Variants in CYB5RL observed in about 807,000 individuals in gnomAD.
CYB5RL encodes the protein NADH-cytochrome b5 reductase-like.
CYB5RL carries 38 observed loss-of-function variants against 37.5 expected under a neutral mutation model. The ratio of observed to expected loss-of-function variants is 1.01; its 90% CI spans 0.78 to 1.33. The LOEUF is 1.33. Ranked by LOEUF, CYB5RL falls within the 40% of genes most tolerant of loss-of-function variation. The probability of loss-of-function intolerance (pLI) is 0.00; values close to 1 mark genes in which losing one functional copy is unlikely to be tolerated. For missense variants in CYB5RL, 388 were observed against 394.4 expected, an observed-to-expected ratio of 0.98 and a Z score of 0.14; for synonymous variants, 141 against 151.9, an observed-to-expected ratio of 0.93 and a Z score of 0.53.
intron 6 of CYB5RL, among the ~76,000 whole-genome samples, chr1:54,183,570 G>A (rs902752395): frequency 4.6e-5 from 7 of 152,316 alleles, no homozygotes; most frequent in African/African-American, 1.2e-4. Context: ...TTGGAAAGGC[G>A]CCTGAGGGTC....
At chr1:54,187,774 C>T in intron 4 of CYB5RL, 35 bp from the exon 5 acceptor site, 1 of 1,592,186 alleles carries the variant, frequency 6.3e-7, no homozygotes, top group Non-Finnish European at 8.6e-7. Flanking sequence ...GTCAGCCAGT[C>T]ATTCAGCAAA....
chr1:54,184,796 T>C (rs1179378015), intron 5 of CYB5RL: 1 of 152,482 alleles, frequency 6.6e-6, no homozygotes, highest in African/African-American at 2.4e-5. Context: ...TTTTGAAATG[T>C]CTGCAATTAA....
At chr1:54,189,370 G>A (rs1479287963) in intron 4 of CYB5RL, among the ~76,000 whole-genome samples, 2 of 152,074 alleles carry the variant, frequency 1.3e-5, no homozygotes, top group Non-Finnish European at 2.9e-5. Flanking sequence ...GGTGGGTGCT[G>A]CAGGATAGGC....
chr1:54,176,292 G>C (rs1421681248), intron 7 of CYB5RL, among the ~76,000 whole-genome samples: 1 of 152,254 alleles, frequency 6.6e-6, no homozygotes, highest in Non-Finnish European at 1.5e-5. Flanking sequence ...CAGCACTTTG[G>C]GAGGCTGAGG....
chr1:54,179,578 GAACAT>G (rs1660107083), intron 6 of CYB5RL, among the ~76,000 whole-genome samples: 1 of 152,162 alleles, frequency 6.6e-6, no homozygotes, highest in Admixed American at 6.5e-5. Flanking sequence ...GACTGAAAGG[GAACAT>G]AACAGTATAG....
At chr1:54,190,642 G>T in intron 4 of CYB5RL, 106 bp downstream of exon 4, 2 of 1,414,818 alleles carry the variant, frequency 1.4e-6, no homozygotes, top group South Asian at 1.2e-5. Context: ...TCTTGAAGAT[G>T]ACAAATGGAG....
intron 4 of CYB5RL, 68 bp downstream of exon 4, chr1:54,190,679 CA>C: frequency 6.5e-7 from 1 of 1,545,206 alleles, no homozygotes; most frequent in Non-Finnish European, 8.7e-7. Context: ...GCTAGTTGGT[CA>C]AGGCCAGCAG....
rs1046370343 is a variant in CYB5RL, at chr1:54,195,715, C to G, written c.-99G>C. ...GGCGCAGGCCCTGCTCCTTGGCCAG[C>G]CTGGGAGAGGGAAAACATGGGGGTT... is the stretch of plus-strand genomic sequence containing the variant. On this transcript the variant is annotated splice_region_variant and 5_prime_UTR_variant, in exon 3 of 8. An upstream start codon of the reference 5' UTR is lost. Coordinates refer to ENST00000534324, the MANE Select transcript of CYB5RL (RefSeq NM_001031672.4). The G allele has an allele frequency of 2.9e-6, 4 of 1,367,542 alleles. No individual in the cohort carries two copies. The highest frequency in any genetic ancestry group is 3.9e-6 in the Non-Finnish European group (4 of 1,013,488). The allele number at this position is 1,367,542 out of a possible 1,614,324, so 84.7% of individuals were successfully genotyped here.
intron 5 of CYB5RL, chr1:54,186,131 T>C (rs1057348883): frequency 6.5e-6 from 1 of 152,686 alleles, no homozygotes; most frequent in African/African-American, 2.4e-5. Flanking sequence ...GAAAACGGAC[T>C]AATACATACC....
Position 54,171,747 on chromosome 1 carries a change from T to C in CYB5RL, c.*2872A>G, listed in dbSNP as rs1376226679. 2 of 318,594 alleles carry C rather than the reference T, an allele frequency of 6.3e-6. No homozygotes were observed. The highest frequency in any genetic ancestry group is 1.2e-5 in the Non-Finnish European group (2 of 160,818). 19.7% of individuals were successfully genotyped at this position (318,594 alleles called of 1,614,324 possible). A position where few individuals can be genotyped will look rare whatever the true frequency, so the allele number is the denominator to read the frequency against. ...CGCCTCCCACAACACGCAGTGGGCA[T>C]CATCAGAGGAACAGCAGCTGATGGG... On this transcript the variant is annotated 3_prime_UTR_variant, in exon 8 of 8. Transcript: ENST00000534324.
In CYB5RL at chr1:54,174,628, G is replaced by A. The variant is rs377135102; in HGVS notation, c.939C>T (p.Phe313=). ...LCAGLTEDSY[F]LF Reference sequence around the variant, plus strand: ...GGAAGAGAGGCCAGGGCTAGAAGAGGAAATAGGAGTCCTCAGTGAGGCCTG... The same window carrying A: ...GGAAGAGAGGCCAGGGCTAGAAGAGAAAATAGGAGTCCTCAGTGAGGCCTG... The change falls in exon 8 of 8, where the codon TTC becomes TTT. Residue 313 remains phenylalanine, a synonymous_variant. Coordinates refer to ENST00000534324, the MANE Select transcript of CYB5RL (RefSeq NM_001031672.4). 3 of 1,608,698 alleles carry A rather than the reference G, an allele frequency of 1.9e-6. No individual in the cohort carries two copies. The highest frequency in any genetic ancestry group is 1.7e-6 in the Non-Finnish European group (2 of 1,177,774).
At chr1:54,175,038 G>A (rs1239247031) in intron 7 of CYB5RL, among the ~76,000 whole-genome samples, 1 of 152,038 alleles carries the variant, frequency 6.6e-6, no homozygotes, top group East Asian at 1.9e-4. Flanking sequence ...GCACAGGGAA[G>A]AGGGACTTCC....
intron 3 of CYB5RL, among the ~76,000 whole-genome samples, chr1:54,193,606 G>A (rs778795396): frequency 3.9e-5 from 6 of 152,114 alleles, no homozygotes; most frequent in Non-Finnish European, 8.8e-5. Flanking sequence ...AGGCCAAGAG[G>A]GGAGGTTTGC....
intron 5 of CYB5RL, among the ~76,000 whole-genome samples, 197 bp downstream of exon 5, chr1:54,187,455 C>T (rs1247975961): frequency 6.6e-6 from 1 of 152,206 alleles, no homozygotes; most frequent in Non-Finnish European, 1.5e-5. Flanking sequence ...TACCTCTTGC[C>T]TAATCCTCTC....
intron 3 of CYB5RL, 65 bp from the exon 4 acceptor site, chr1:54,190,961 A>T (rs1218867289): frequency 6.4e-7 from 1 of 1,562,826 alleles, no homozygotes; most frequent in Non-Finnish European, 8.7e-7. Context: ...CATCCATAGC[A>T]TCCTTCCCAC....
chr1:54,189,178 G>A (rs1643927631), intron 4 of CYB5RL, among the ~76,000 whole-genome samples: 1 of 140,100 alleles, frequency 7.1e-6, no homozygotes, highest in Admixed American at 7.5e-5. Context: ...GTGAGACTCT[G>A]TCTCAAAAAA....
intron 4 of CYB5RL, 191 bp from the exon 5 acceptor site, chr1:54,187,930 G>A (rs575886190): frequency 5.4e-6 from 3 of 560,164 alleles, no homozygotes; most frequent in Non-Finnish European, 9.6e-6. Flanking sequence ...CAAAAATTTA[G>A]CTGGGTGTGG....
At chr1:54,176,947 AG>A (rs1557717951) in intron 7 of CYB5RL, among the ~76,000 whole-genome samples, 1 of 152,174 alleles carries the variant, frequency 6.6e-6, no homozygotes, top group African/African-American at 2.4e-5. Context: ...AGGTGAGGAA[AG>A]GAGAGCACTC....
intron 6 of CYB5RL, among the ~76,000 whole-genome samples, chr1:54,181,556 G>A (rs142607766): frequency 1.1e-3 from 171 of 152,354 alleles, no homozygotes; most frequent in African/African-American, 4.0e-3. Context: ...AGACATCCTC[G>A]TGTGGTGAAA....
Sources: gnomAD v4.1 joint callset for allele counts (sites outside exome capture counted in the v4.1 genomes callset) on GRCh38, gnomAD v4.1.1 for gene constraint, MANE v1.5 for transcripts, NCBI Gene and HGNC (gene_info 2026-07-23, HGNC 2026-07-21) for gene names.